Variants in NUP153 observed in about 807,000 individuals in gnomAD.
The protein encoded by NUP153 is nucleoporin 153, also known as nuclear pore complex protein Nup153.
In NUP153, 27 loss-of-function variants were observed where a neutral mutation model predicts 134.6. That is an observed-to-expected ratio of 0.20 (90% CI 0.15 to 0.28). NUP153 has a LOEUF of 0.28. Ranked by LOEUF, NUP153 falls within the 10% of genes least tolerant of loss-of-function variation. The pLI is 1.00. For synonymous variants in NUP153, 640 were observed against 623.5 expected (o/e 1.03, Z -0.40); for missense variants, 1,821 against 1,731.3 (o/e 1.05, Z -0.92).
intron 1 of NUP153, among the ~76,000 whole-genome samples, chr6:17,690,940 C>G (rs1769238122): frequency 6.6e-6 from 1 of 151,834 alleles, no homozygotes; most frequent in Non-Finnish European, 1.5e-5. Flanking sequence ...GAGTTCAAGA[C>G]CAGCCTGACC....
intron 16 of NUP153, among the ~76,000 whole-genome samples, chr6:17,633,929 A>G (rs1765388487): frequency 7.6e-6 from 1 of 131,426 alleles, no homozygotes; most frequent in Non-Finnish European, 1.7e-5. Context: ...ATCCCCAAAA[A>G]ACAGTTTCCT....
intron 11 of NUP153, among the ~76,000 whole-genome samples, chr6:17,660,013 A>G (rs1767089009): frequency 6.6e-6 from 1 of 152,192 alleles, no homozygotes; most frequent in Non-Finnish European, 1.5e-5. Flanking sequence ...GTCTACTAAC[A>G]TAATCCCAAA....
At chr6:17,632,871 T>TG (rs767879812) in intron 16 of NUP153, 27 bp from the exon 17 acceptor site, 5 of 1,366,690 alleles carry the variant, frequency 3.7e-6, no homozygotes, top group Middle Eastern at 2.5e-4. Flanking sequence ...AAACGGGGAG[T>TG]GGGGGGAGAT....
intron 2 of NUP153, among the ~76,000 whole-genome samples, chr6:17,684,208 C>T (rs1453307471): frequency 6.6e-6 from 1 of 152,224 alleles, no homozygotes; most frequent in African/African-American, 2.4e-5. Flanking sequence ...ATTACCCAGT[C>T]TCAAGTATTC....
chr6:17,673,044 C>T (rs566570746), intron 5 of NUP153, among the ~76,000 whole-genome samples: 5 of 152,168 alleles, frequency 3.3e-5, no homozygotes, highest in African/African-American at 1.2e-4. Context: ...TACACACACA[C>T]GCACACACAC....
chr6:17,659,083 CCAACG>C (rs1193090679), intron 11 of NUP153, among the ~76,000 whole-genome samples: 1 of 152,222 alleles, frequency 6.6e-6, no homozygotes, highest in African/African-American at 2.4e-5. Flanking sequence ...CACTGCACAA[CCAACG>C]CTTCAAAAGT....
intron 11 of NUP153, among the ~76,000 whole-genome samples, chr6:17,659,469 T>A (rs1421547046): frequency 6.6e-6 from 1 of 152,128 alleles, no homozygotes. Flanking sequence ...CCATTTCTTT[T>A]GTTTTTGTTT....
In NUP153 at chr6:17,625,172, T is replaced by C. The variant is rs542616279; in HGVS notation, c.3902-339A>G. Among the ~76,000 whole-genome samples the C allele has an allele frequency of 4.6e-5, 7 of 152,296 alleles. No individual in the cohort carries two copies. Among genetic ancestry groups the C allele is most frequent in the East Asian group, 1.9e-4 (1 of 5,186 alleles). On this transcript the variant is annotated intron_variant, in intron 19 of 21. Coordinates refer to ENST00000262077, the MANE Select transcript of NUP153 (RefSeq NM_005124.4). The surrounding 1 kb of genome is among the most constrained non-coding windows in gnomAD (Gnocchi z 4.7). ...TTGCCTCATGATGTGCATATATACA[T>C]TGCATAATAAAGACTGATGTTTAAT...
In NUP153 at chr6:17,669,478, T is replaced by A; in HGVS notation, c.921A>T (p.Thr307=). ...SAQSYGVTSS[T]ARRILQSLEK... ...CTAAAGACTGCAATATTCGCCGAGC[T>A]GTTGAACTGGTCACACCGTAAGATT... The change falls in exon 6 of 22, where the codon ACA becomes ACT. Residue 307 remains threonine, a synonymous_variant. Transcript: ENST00000262077. The A allele has an allele frequency of 6.2e-7, 1 of 1,614,188 alleles. No individual in the cohort carries two copies. Among genetic ancestry groups the A allele is most frequent in the African/African-American group, 1.3e-5 (1 of 75,070 alleles).
At chr6:17,674,217 A>T (rs1222605989) in intron 5 of NUP153, among the ~76,000 whole-genome samples, 1 of 152,188 alleles carries the variant, frequency 6.6e-6, no homozygotes, top group Non-Finnish European at 1.5e-5. Context: ...GGGGTGATGA[A>T]AATGTCTGAT....
intron 2 of NUP153, among the ~76,000 whole-genome samples, chr6:17,682,929 A>G (rs1190821475): frequency 5.2e-4 from 78 of 151,274 alleles, no homozygotes; most frequent in African/African-American, 1.5e-3. Flanking sequence ...AAAGAAGAAA[A>G]AAAAAAAAAA....
rs1258349835 is a variant in NUP153, at chr6:17,637,288, A to G, written c.2329T>C (p.Cys777Arg). The stretch of plus-strand genomic sequence containing the variant: ...CCTAAGGTACCAGTGGTTACAGTGC[A>G]GCTGGAAGATGAAGCAGTCATAGTC... ...AETMTASSSS[C>R]TVTTGTLGFG... The change falls in exon 16 of 22, where the codon TGC (cysteine) becomes CGC (arginine). Residue 777 changes from cysteine (C) to arginine (R), a missense_variant. Physicochemically the swap from Cys to Arg is radical, Grantham distance 180. Coordinates refer to ENST00000262077, the MANE Select transcript of NUP153 (RefSeq NM_005124.4). 6.2e-7 allele frequency: 1 copy of G among 1,614,222 alleles called. No homozygotes were observed. Among genetic ancestry groups the G allele is most frequent in the South Asian group, 1.1e-5 (1 of 91,086 alleles).
chr6:17,631,220 C>CA (rs1765236200), intron 17 of NUP153, among the ~76,000 whole-genome samples: 1 of 148,602 alleles, frequency 6.7e-6, no homozygotes, highest in Non-Finnish European at 1.5e-5. Context: ...TATTATTTTG[C>CA]AAAACAGATT....
intron 13 of NUP153, 85 bp downstream of exon 13, chr6:17,647,722 A>C: frequency 2.3e-6 from 2 of 880,192 alleles, no homozygotes; most frequent in South Asian, 3.0e-5. Flanking sequence ...AGTGTTTCTC[A>C]CCACCAGTGG....
In NUP153 at chr6:17,689,623, G is replaced by A. The variant is rs549186052; in HGVS notation, c.112-1005C>T. Among the ~76,000 whole-genome samples, 21 of 149,558 alleles carry A rather than the reference G, an allele frequency of 1.4e-4. No individual in the cohort carries two copies. The South Asian group carries it at 4.2e-3, about 30-fold the overall frequency. ...GCGATCTCGGCTCACCACAACCTCC[G>A]CCTCCTGGGTTCAATGGATTCTCCT... On this transcript the variant is annotated intron_variant, in intron 1 of 21. Coordinates refer to ENST00000262077, the MANE Select transcript of NUP153 (RefSeq NM_005124.4).
intron 1 of NUP153, among the ~76,000 whole-genome samples, chr6:17,697,824 A>G (rs560533380): frequency 6.6e-6 from 1 of 152,010 alleles, no homozygotes; most frequent in Non-Finnish European, 1.5e-5. Flanking sequence ...AGGCTATTCT[A>G]TAACACTAAC....
At chr6:17,633,414 G>T (rs1765363265) in intron 16 of NUP153, among the ~76,000 whole-genome samples, 1 of 152,132 alleles carries the variant, frequency 6.6e-6, no homozygotes, top group South Asian at 2.1e-4. Context: ...CTACATTCCT[G>T]ACATTTGTTA....
intron 1 of NUP153, among the ~76,000 whole-genome samples, chr6:17,705,750 T>C (rs561858619): frequency 3.3e-5 from 5 of 152,078 alleles, no homozygotes; most frequent in East Asian, 1.9e-4. Context: ...AATTAACTCA[T>C]AGGCTGAGAC....
rs1229110979 is a variant in NUP153, at chr6:17,637,715, T to G, written c.1902A>C (p.Pro634=). 3.1e-6 allele frequency: 5 copies of G among 1,607,920 alleles called. No homozygotes were observed. The Admixed American group carries it at 6.7e-5, about 21-fold the overall frequency. The change falls in exon 16 of 22, where the codon CCA becomes CCC. Residue 634 remains proline (P), a synonymous_variant. Transcript: ENST00000262077. ...SVAAQPTATS[P]VVYTRPAISS... is the part of the protein sequence containing the mutation. ...TTATTGCTGGTCTTGTATAAACTAC[T>G]GGGCTTGTTGCGGTGGGCTGAGCAG...
Sources: gnomAD v4.1 joint callset for allele counts (sites outside exome capture counted in the v4.1 genomes callset) on GRCh38, gnomAD v4.1.1 for gene constraint, Gnocchi (gnomAD v3.1) non-coding constraint, MANE v1.5 for transcripts, NCBI Gene and HGNC (gene_info 2026-07-23, HGNC 2026-07-21) for gene names.